Variants in PTPN4 observed in about 807,000 individuals in gnomAD.
PTPN4 encodes the protein protein tyrosine phosphatase non-receptor type 4, also known as tyrosine-protein phosphatase non-receptor type 4.
A neutral mutation model predicts 135.5 loss-of-function variants in PTPN4; 49 were observed. The observed-to-expected ratio is 0.36, with a 90% CI of 0.29 to 0.46. The LOEUF (loss-of-function observed/expected upper bound fraction) is 0.46, where lower values mean the gene tolerates loss of function less well. Ranked by LOEUF, PTPN4 falls within the 20% of genes least tolerant of loss-of-function variation. PTPN4 has a pLI of 1.00. For synonymous variants in PTPN4, 333 were observed against 369.9 expected, an observed-to-expected ratio of 0.90 and a Z score of 1.14; for missense variants, 860 against 1,101.0, an observed-to-expected ratio of 0.78 and a Z score of 3.10.
rs548401553 is a variant in PTPN4 at position 119,768,241 on chromosome 2, C to T, written c.-18+7857C>T. Among the ~76,000 whole-genome samples the T allele has an allele frequency of 6.3e-4, 96 of 152,094 alleles. 1 individual carries two copies. The highest frequency in any genetic ancestry group is 1.1e-3 in the Non-Finnish European group (75 of 68,034). On this transcript the variant is annotated intron_variant, in intron 1 of 26. Coordinates refer to ENST00000263708, the MANE Select transcript of PTPN4 (RefSeq NM_002830.4). ...GCTCCTCTATCTCCTTGACCTGTCC[C>T]CCTCCTTGGTGTATTTCCTTACTTT...
At chr2:119,847,328 A>ATATTTTT (rs1257711116) in intron 2 of PTPN4, among the ~76,000 whole-genome samples, 3 of 102,732 alleles carry the variant, frequency 2.9e-5, no homozygotes, top group African/African-American at 8.7e-5. Flanking sequence ...ATATATATAT[A>ATATTTTT]TTTTTTTTTT....
At chr2:119,929,865 C>T (rs1558767087) in intron 13 of PTPN4, among the ~76,000 whole-genome samples, 1 of 152,040 alleles carries the variant, frequency 6.6e-6, no homozygotes, top group African/African-American at 2.4e-5. Flanking sequence ...CTTCAAATGA[C>T]TTTTTCCAGC....
intron 1 of PTPN4, among the ~76,000 whole-genome samples, chr2:119,794,879 T>C (rs1242862749): frequency 1.3e-5 from 2 of 152,186 alleles, no homozygotes; most frequent in African/African-American, 4.8e-5. Context: ...GGAGCTTTAT[T>C]GAGCGACAGA....
At chr2:119,909,803 T>A (rs1011197964) in intron 10 of PTPN4, among the ~76,000 whole-genome samples, 2 of 152,038 alleles carry the variant, frequency 1.3e-5, no homozygotes, top group South Asian at 4.1e-4. Flanking sequence ...CCCTCATAGA[T>A]GACTTTGAGG....
intron 10 of PTPN4, among the ~76,000 whole-genome samples, chr2:119,905,048 AAC>A (rs1491342563): frequency 3.3e-4 from 44 of 134,110 alleles, no homozygotes; most frequent in African/African-American, 1.1e-3. Context: ...AAAAAAAAAA[AAC>A]AAATAATCAA....
intron 2 of PTPN4, among the ~76,000 whole-genome samples, chr2:119,823,940 G>A (rs959880088): frequency 1.3e-5 from 2 of 152,202 alleles, no homozygotes; most frequent in Non-Finnish European, 2.9e-5. Context: ...AGGCCACCAT[G>A]TGGAGACTCT....
chr2:119,805,250 A>G (rs1354423921), intron 1 of PTPN4, among the ~76,000 whole-genome samples: 2 of 152,050 alleles, frequency 1.3e-5, no homozygotes, highest in Non-Finnish European at 2.9e-5. Flanking sequence ...GTTCACTCTG[A>G]TGGTAGTTTC....
At chr2:119,932,037 A>G (rs1678914247) in intron 13 of PTPN4, among the ~76,000 whole-genome samples, 1 of 152,212 alleles carries the variant, frequency 6.6e-6, no homozygotes, top group Admixed American at 6.5e-5. Context: ...TATTTAATAC[A>G]TCCCAAGATA....
At chr2:119,923,575 G>A (rs66977029) in intron 12 of PTPN4, among the ~76,000 whole-genome samples, 52,404 of 151,762 alleles carry the variant, frequency 0.35, 9,602 homozygotes, top group African/African-American at 0.47. Context: ...AACATCTCCA[G>A]GACCTTCCTG....
chr2:119,919,092 A>T (rs1430740987), intron 11 of PTPN4, among the ~76,000 whole-genome samples: 1 of 152,192 alleles, frequency 6.6e-6, no homozygotes, highest in Non-Finnish European at 1.5e-5. Context: ...GGGGAGACAA[A>T]GGATACTTCT....
intron 19 of PTPN4, 56 bp downstream of exon 19, chr2:119,952,185 T>G: frequency 6.9e-7 from 1 of 1,452,468 alleles, no homozygotes. Flanking sequence ...TGTTCATTAC[T>G]GAGCACAGCA....
Position 119,984,009 on chromosome 2 carries a change from C to T in PTPN4, c.*6939C>T, listed in dbSNP as rs926621271. Among the ~76,000 whole-genome samples, 4 of 151,976 alleles carry T rather than the reference C, an allele frequency of 2.6e-5. No homozygotes were observed. Among genetic ancestry groups the T allele is most frequent in the African/African-American group, 7.3e-5 (3 of 41,360 alleles). ...CACTTTATATACATGTTGAGGGGCACGATTTAAGAGACTGAAACAGTTTAC... is the reference window on the plus strand; with the variant it reads ...CACTTTATATACATGTTGAGGGGCATGATTTAAGAGACTGAAACAGTTTAC... On this transcript the variant is annotated 3_prime_UTR_variant, in exon 27 of 27. Transcript: ENST00000263708.
At chr2:119,864,652 G>A (rs1677806736) in intron 3 of PTPN4, among the ~76,000 whole-genome samples, 2 of 151,924 alleles carry the variant, frequency 1.3e-5, no homozygotes, top group South Asian at 2.1e-4. Context: ...GATTAATATC[G>A]AGATCATGTA....
chr2:119,974,377 C>T (rs879359429), intron 26 of PTPN4, among the ~76,000 whole-genome samples: 21 of 152,004 alleles, frequency 1.4e-4, no homozygotes, highest in South Asian at 2.1e-4. Flanking sequence ...AGGCCTGGCT[C>T]ATTTTGTTTT....
In PTPN4 at chr2:119,967,847, G is replaced by A. The variant is rs760486727; in HGVS notation, c.2569G>A (p.Gly857Arg). Residue 857 changes from glycine to arginine, a missense_variant, in exon 26 of 27, where the codon GGA (glycine) becomes AGA (arginine). Coordinates refer to ENST00000263708, the MANE Select transcript of PTPN4 (RefSeq NM_002830.4). ...PVVVHCSAGIGRTGVLITMET... is the reference protein window; with the variant it reads ...PVVVHCSAGIRRTGVLITMET... ...ATTTGTCTTTTTTAGTGCTGGAATC[G>A]GAAGAACTGGGGTTCTTATTACTAT... 3 of 1,600,488 alleles carry A rather than the reference G, an allele frequency of 1.9e-6. No homozygotes were observed. Among genetic ancestry groups the A allele is most frequent in the South Asian group, 1.1e-5 (1 of 88,620 alleles).
At chr2:119,821,884 TTAA>T (rs1288962022) in intron 2 of PTPN4, among the ~76,000 whole-genome samples, 1 of 152,208 alleles carries the variant, frequency 6.6e-6, no homozygotes, top group Non-Finnish European at 1.5e-5. Flanking sequence ...TTGCCTTCTA[TTAA>T]TATTGCTGAT....
At chr2:119,936,002 A>G (rs891968994) in intron 15 of PTPN4, among the ~76,000 whole-genome samples, 2 of 152,012 alleles carry the variant, frequency 1.3e-5, no homozygotes, top group Admixed American at 1.3e-4. Flanking sequence ...ATATTTCCAC[A>G]TGTAAATTTT....
intron 1 of PTPN4, among the ~76,000 whole-genome samples, chr2:119,762,657 A>C (rs1690530869): frequency 1.3e-5 from 2 of 152,070 alleles, no homozygotes; most frequent in South Asian, 4.1e-4. Context: ...AAACGTGGAA[A>C]TCTTGTTTGG....
intron 2 of PTPN4, among the ~76,000 whole-genome samples, chr2:119,861,926 AG>A (rs1326246467): frequency 6.6e-6 from 1 of 152,172 alleles, no homozygotes; most frequent in Non-Finnish European, 1.5e-5. Context: ...TGAAAATATT[AG>A]CAATCCTTTA....
Sources: allele counts gnomAD v4.1 joint callset (sites outside exome capture counted in the v4.1 genomes callset), GRCh38; gene constraint gnomAD v4.1.1; transcripts MANE v1.5; gene names NCBI Gene and HGNC (gene_info 2026-07-23, HGNC 2026-07-21).